Variants in PDK1 observed in about 807,000 individuals in gnomAD.
PDK1 encodes the protein pyruvate dehydrogenase kinase 1, also known as [Pyruvate dehydrogenase (acetyl-transferring)] kinase isozyme 1, mitochondrial.
A neutral mutation model predicts 54.2 loss-of-function variants in PDK1; 39 were observed. That is an observed-to-expected ratio of 0.72 (90% CI 0.56 to 0.94). PDK1 has a LOEUF of 0.94. PDK1 is among the 40% of genes least tolerant of loss of function. PDK1 has a pLI of 0.00. For missense variants in PDK1, 552 were observed against 566.0 expected (o/e 0.98, Z 0.25); for synonymous variants, 221 against 207.1 (o/e 1.07, Z -0.58).
the PDK1 span, among the ~76,000 whole-genome samples, chr2:172,638,306 G>A: frequency 6.6e-6 from 1 of 152,180 alleles, no homozygotes; most frequent in Non-Finnish European, 1.5e-5. Flanking sequence ...AAATAAACAA[G>A]TGAAGAAAAC....
At position 172,600,302 on chromosome 2, in the gene PDK1, T is replaced by G. The variant is rs2149312245; in HGVS notation, c.*4333T>G. 4 of 152,352 alleles carry G rather than the reference T, an allele frequency of 2.6e-5. No individual in the cohort carries two copies. The South Asian group carries it at 8.3e-4, about 32-fold the overall frequency. 9.4% of individuals were successfully genotyped at this position (152,352 alleles called of 1,614,324 possible). Reference sequence around the variant, plus strand: ...TATTGCATGAAAATACAGTATGGTATGAAATTATTTGTCCAAAACTGTACT... The same window carrying G: ...TATTGCATGAAAATACAGTATGGTAGGAAATTATTTGTCCAAAACTGTACT... On this transcript the variant is annotated 3_prime_UTR_variant, in exon 11 of 11. Coordinates refer to ENST00000282077, the MANE Select transcript of PDK1 (RefSeq NM_002610.5).
At chr2:172,589,882 C>T (rs1448829035) in intron 9 of PDK1, among the ~76,000 whole-genome samples, 1 of 152,144 alleles carries the variant, frequency 6.6e-6, no homozygotes, top group South Asian at 2.1e-4. Context: ...ATTCTGGATA[C>T]TGGGACCAAA....
rs375034422 is a variant in PDK1 at position 172,603,219 on chromosome 2, C to A, written c.*7250C>A. 6 of 152,268 alleles carry A rather than the reference C, an allele frequency of 3.9e-5. No individual in the cohort carries two copies. The East Asian group carries it at 9.6e-4, about 24-fold the overall frequency. 9.4% of individuals were successfully genotyped at this position (152,268 alleles called of 1,614,324 possible). On this transcript the variant is annotated 3_prime_UTR_variant, in exon 11 of 11. Transcript: ENST00000282077. ...CAGCCCAAAGGGCCAGCTGGAAAGA[C>A]GAGACCAGTTACAGAGCAAATGGCA...
At chr2:172,593,910 A>G (rs1246050167) in intron 10 of PDK1, among the ~76,000 whole-genome samples, 1 of 152,098 alleles carries the variant, frequency 6.6e-6, no homozygotes, top group Non-Finnish European at 1.5e-5. Flanking sequence ...TCTATTTTAT[A>G]GGAAATGTTG....
chr2:172,631,404 G>C, the PDK1 span, among the ~76,000 whole-genome samples: 1 of 152,158 alleles, frequency 6.6e-6, no homozygotes, highest in Non-Finnish European at 1.5e-5. Context: ...TTCACTAACA[G>C]AACCAACCTT....
chr2:172,587,523 C>T (rs1220052128), intron 9 of PDK1, among the ~76,000 whole-genome samples: 3 of 151,492 alleles, frequency 2.0e-5, no homozygotes, highest in Admixed American at 2.0e-4. Flanking sequence ...AGTGAAGCTG[C>T]AGACCTTCGC....
the PDK1 span, among the ~76,000 whole-genome samples, chr2:172,656,433 C>T: frequency 6.6e-6 from 1 of 152,128 alleles, no homozygotes; most frequent in Non-Finnish European, 1.5e-5. Context: ...TTTACAAGTG[C>T]TTCTCAGGTC....
At chr2:172,710,090 T>C in the PDK1 span, among the ~76,000 whole-genome samples, 1 of 152,166 alleles carries the variant, frequency 6.6e-6, no homozygotes, top group South Asian at 2.1e-4. Context: ...CAGGGGAACT[T>C]AGTGCAGGTG....
intron 9 of PDK1, 147 bp from the exon 10 acceptor site, chr2:172,592,788 T>C (rs1690674229): frequency 4.8e-6 from 2 of 420,820 alleles, no homozygotes; most frequent in African/African-American, 4.1e-5. Flanking sequence ...TCATTGTCAA[T>C]GCTTAAATAT....
chr2:172,596,099 G>C lies in PDK1; in HGVS notation c.*130G>C. 1 of 770,190 alleles carries C rather than the reference G, an allele frequency of 1.3e-6. No individual in the cohort carries two copies. The highest frequency in any genetic ancestry group is 2.7e-5 in the East Asian group (1 of 36,552). The allele number at this position is 770,190 out of a possible 1,614,324, so 47.7% of individuals were successfully genotyped here. A position where few individuals can be genotyped will look rare whatever the true frequency, so the allele number is the denominator to read the frequency against. Reference sequence around the variant, plus strand: ...CAAAACTATTTGAGTAGAATAAATGGAAACTGAATTCCATTTGTGCCCGTT... The same window carrying C: ...CAAAACTATTTGAGTAGAATAAATGCAAACTGAATTCCATTTGTGCCCGTT... On this transcript the variant is annotated 3_prime_UTR_variant, in exon 11 of 11. Coordinates refer to ENST00000282077, the MANE Select transcript of PDK1 (RefSeq NM_002610.5).
the PDK1 span, among the ~76,000 whole-genome samples, chr2:172,617,214 A>G: frequency 8.9e-3 from 1,360 of 152,206 alleles, 28 homozygotes; most frequent in African/African-American, 0.032. Context: ...TGGCCTCCCA[A>G]AGTGCTAAGA....
At chr2:172,595,413 ACAC>A (rs990687320) in intron 10 of PDK1, among the ~76,000 whole-genome samples, 2 of 152,184 alleles carry the variant, frequency 1.3e-5, no homozygotes, top group African/African-American at 4.8e-5. Context: ...GCTGAAAAAA[ACAC>A]TATTTCTTCT....
At chr2:172,628,402 T>G in the PDK1 span, among the ~76,000 whole-genome samples, 23 of 152,216 alleles carry the variant, frequency 1.5e-4, no homozygotes, top group Non-Finnish European at 3.1e-4. Context: ...TAATTCTTTC[T>G]TTTCCTTTAT....
At chr2:172,564,244 G>A (rs1049790962) in intron 3 of PDK1, 13 of 512,542 alleles carry the variant, frequency 2.5e-5, no homozygotes, top group African/African-American at 1.9e-4. Context: ...TTTGGATTAC[G>A]TTTTGTGGCA....
chr2:172,627,853 C>A, the PDK1 span, among the ~76,000 whole-genome samples: 1 of 152,184 alleles, frequency 6.6e-6, no homozygotes, highest in African/African-American at 2.4e-5. Context: ...CCAAACAGAT[C>A]TGCTTGCACA....
At chr2:172,636,310 T>C in the PDK1 span, among the ~76,000 whole-genome samples, 1 of 152,172 alleles carries the variant, frequency 6.6e-6, no homozygotes, top group Non-Finnish European at 1.5e-5. Flanking sequence ...CAGCCTGCTT[T>C]CACTCCCGGA....
chr2:172,580,704 A>C (rs181792172), intron 8 of PDK1, among the ~76,000 whole-genome samples: 11 of 152,342 alleles, frequency 7.2e-5, no homozygotes, highest in African/African-American at 2.4e-4. Flanking sequence ...AAACAACCCA[A>C]ATATCTATCA....
the PDK1 span, among the ~76,000 whole-genome samples, chr2:172,637,970 C>T: frequency 2.0e-5 from 3 of 152,106 alleles, no homozygotes; most frequent in Non-Finnish European, 4.4e-5. Flanking sequence ...TCTGGGATTA[C>T]AGGTGTGAGC....
the PDK1 span, among the ~76,000 whole-genome samples, chr2:172,649,598 T>A: frequency 2.6e-5 from 4 of 151,996 alleles, no homozygotes; most frequent in African/African-American, 9.7e-5. Context: ...AAAAAAAACT[T>A]AGATGAATGG....
Sources: allele counts gnomAD v4.1 joint callset (sites outside exome capture counted in the v4.1 genomes callset), GRCh38; gene constraint gnomAD v4.1.1; transcripts MANE v1.5; gene names NCBI Gene and HGNC (gene_info 2026-07-23, HGNC 2026-07-21).